FAM169A: variants seen among roughly 807,000 people sequenced by gnomAD.
FAM169A encodes family with sequence similarity 169 member A, also known as soluble lamin-associated protein of 75 kDa.
FAM169A carries 24 observed loss-of-function variants against 75.7 expected under a neutral mutation model. The ratio of observed to expected loss-of-function variants is 0.32; its 90% CI spans 0.23 to 0.45. The LOEUF is 0.45. FAM169A is among the 20% of genes least tolerant of loss of function. The pLI, the probability that FAM169A is intolerant of heterozygous loss-of-function variation, is 1.00. For synonymous variants in FAM169A, 271 were observed against 271.0 expected (o/e 1.00, Z 0.00); for missense variants, 673 against 784.0 (o/e 0.86, Z 1.69).
At chr5:74,830,273 A>C (rs1033089405) in intron 5 of FAM169A, among the ~76,000 whole-genome samples, 3 of 152,218 alleles carry the variant, frequency 2.0e-5, no homozygotes, top group Non-Finnish European at 4.4e-5. Flanking sequence ...AATATAGGAA[A>C]AGAAAGAAGT....
chr5:74,866,832 C>T (rs1228862131), upstream of FAM169A: 20 of 985,408 alleles, frequency 2.0e-5, no homozygotes, highest in Non-Finnish European at 2.4e-5. Context: ...AGAGTGGGCG[C>T]GGCCATCCCG....
At chr5:74,866,415 T>G (rs1361140438), upstream of FAM169A, 6 of 973,386 alleles carry the variant, frequency 6.2e-6, no homozygotes, top group South Asian at 4.8e-5. Flanking sequence ...AGCCTTCGCT[T>G]CCGCTCCGCG....
In FAM169A at chr5:74,785,491, G is replaced by A. The variant is rs140782148; in HGVS notation, c.1261-2357C>T. The stretch of plus-strand genomic sequence containing the variant: ...AAAATACAGTTTCCAGCTAGGCGCC[G>A]TGGTTTATGCCTGTAATCCCAGCAC... On this transcript the variant is annotated intron_variant, in intron 11 of 12. Coordinates refer to ENST00000687041, the MANE Select transcript of FAM169A (RefSeq NM_001376049.1). 1.0e-3 allele frequency among the ~76,000 whole-genome samples: 157 copies of A among 152,240 alleles called. 1 individual carries two copies. Among genetic ancestry groups the A allele is most frequent in the African/African-American group, 3.6e-3 (150 of 41,536 alleles).
At chr5:74,816,610 C>T (rs1269998497) in intron 5 of FAM169A, among the ~76,000 whole-genome samples, 1 of 152,148 alleles carries the variant, frequency 6.6e-6, no homozygotes, top group Non-Finnish European at 1.5e-5. Flanking sequence ...GGGTCTGACT[C>T]ATACAAATGC....
chr5:74,840,250 G>A, intron 2 of FAM169A, 77 bp from the exon 3 acceptor site: 1 of 584,958 alleles, frequency 1.7e-6, no homozygotes, highest in Non-Finnish European at 2.9e-6. Flanking sequence ...TTTTATCAAA[G>A]TAGTAAATAT....
rs1747063912 is a variant in FAM169A at position 74,809,568 on chromosome 5, C to G, written c.670+4272G>C. On this transcript the variant is annotated intron_variant, in intron 6 of 12. Transcript: ENST00000687041. The stretch of plus-strand genomic sequence containing the variant: ...CCGAGATTGTGCCACTGCACTCCAG[C>G]CTGGGTGACAGAGCGAGACTACGTC... Among the ~76,000 whole-genome samples, 4 of 152,268 alleles carry G rather than the reference C, an allele frequency of 2.6e-5. No individual in the cohort carries two copies. The South Asian group carries it at 8.3e-4, about 32-fold the overall frequency.
chr5:74,784,481 G>C (rs1426160076), intron 11 of FAM169A, among the ~76,000 whole-genome samples: 1 of 126,026 alleles, frequency 7.9e-6, no homozygotes, highest in Non-Finnish European at 1.6e-5. Flanking sequence ...CTGCAGTCCA[G>C]CCAAGGGAGA....
Position 74,792,467 on chromosome 5 carries a change from C to T in FAM169A, c.1260+3563G>A, listed in dbSNP as rs571213186. 2.6e-5 allele frequency among the ~76,000 whole-genome samples: 4 copies of T among 152,222 alleles called. No individual in the cohort carries two copies. The East Asian group carries it at 5.8e-4, about 22-fold the overall frequency. On this transcript the variant is annotated intron_variant, in intron 11 of 12. Transcript: ENST00000687041. Reference sequence around the variant, plus strand: ...TTCTCCTGTGCTGGATGCTTCCTGCCCTCAAACATCAGACTCCAGGTTCTT... The same window carrying T: ...TTCTCCTGTGCTGGATGCTTCCTGCTCTCAAACATCAGACTCCAGGTTCTT...
chr5:74,831,272 CTT>C (rs552924871), intron 5 of FAM169A, among the ~76,000 whole-genome samples: 1 of 152,154 alleles, frequency 6.6e-6, no homozygotes, highest in Admixed American at 6.5e-5. Context: ...CCCAAAATCT[CTT>C]TGATACTAAT....
rs1745369160 is a variant in FAM169A at position 74,780,681 on chromosome 5, C to T, written c.*779G>A. 1 of 152,176 alleles carries T rather than the reference C, an allele frequency of 6.6e-6. No homozygotes were observed. The highest frequency in any genetic ancestry group is 2.1e-4 in the South Asian group (1 of 4,834). The allele number at this position is 152,176 out of a possible 1,614,324, so 9.4% of individuals were successfully genotyped here. On this transcript the variant is annotated 3_prime_UTR_variant, in exon 13 of 13. Transcript: ENST00000687041. ...TGATTAAAGGTGAAAGTCTAAACTTCTAGGCGTCTGCACATATGCAGACAA... is the reference window on the plus strand; with the variant it reads ...TGATTAAAGGTGAAAGTCTAAACTTTTAGGCGTCTGCACATATGCAGACAA...
chr5:74,857,093 A>G (rs1466681302), intron 1 of FAM169A, among the ~76,000 whole-genome samples: 6 of 133,744 alleles, frequency 4.5e-5, no homozygotes, highest in Non-Finnish European at 9.3e-5. Flanking sequence ...TGGGCCACAG[A>G]GTGAGACTCC....
intron 5 of FAM169A, among the ~76,000 whole-genome samples, chr5:74,818,274 C>G (rs1747571660): frequency 3.3e-5 from 5 of 151,968 alleles, no homozygotes; most frequent in Admixed American, 3.3e-4. Flanking sequence ...GGTCTTGTAT[C>G]TAACACATAT....
In FAM169A at chr5:74,840,742, T is replaced by C. The variant is rs541859867; in HGVS notation, c.133-569A>G. On this transcript the variant is annotated intron_variant, in intron 2 of 12. Coordinates refer to ENST00000687041, the MANE Select transcript of FAM169A (RefSeq NM_001376049.1). ...TACTCGGGAGGCTAAGGCAGGAGAA[T>C]GGCGTGAACCCAGGAGGCAGAGGTT... 4.0e-5 allele frequency among the ~76,000 whole-genome samples: 6 copies of C among 150,838 alleles called. No homozygotes were observed. The East Asian group carries it at 1.2e-3, about 29-fold the overall frequency.
intron 6 of FAM169A, 60 bp from the exon 7 acceptor site, chr5:74,805,344 G>A: frequency 1.3e-6 from 2 of 1,548,762 alleles, no homozygotes; most frequent in South Asian, 1.2e-5. Flanking sequence ...TGAAAAACAG[G>A]AGTTGAAAAG....
At chr5:74,822,185 G>A (rs765264126) in intron 5 of FAM169A, among the ~76,000 whole-genome samples, 4 of 152,194 alleles carry the variant, frequency 2.6e-5, no homozygotes, top group Admixed American at 1.3e-4. Flanking sequence ...GTCCACCAGG[G>A]CCACCAAGTT....
chr5:74,807,706 A>G (rs975922582), intron 6 of FAM169A, among the ~76,000 whole-genome samples: 19 of 152,254 alleles, frequency 1.2e-4, no homozygotes, highest in African/African-American at 3.9e-4. Flanking sequence ...ACTGTGTAGT[A>G]TTTAAAACAA....
intron 1 of FAM169A, among the ~76,000 whole-genome samples, chr5:74,849,801 A>C (rs1027288392): frequency 3.7e-4 from 57 of 152,112 alleles, no homozygotes; most frequent in African/African-American, 1.4e-3. Flanking sequence ...CTAACCACTC[A>C]TCTTTTTCTA....
Position 74,781,395 on chromosome 5 carries a change from A to G in FAM169A, c.*65T>C, listed in dbSNP as rs1032887544. 133 of 1,477,446 alleles carry G rather than the reference A, an allele frequency of 9.0e-5. No individual in the cohort carries two copies. Among genetic ancestry groups the G allele is most frequent in the Non-Finnish European group, 8.5e-5 (92 of 1,085,716 alleles). The allele number at this position is 1,477,446 out of a possible 1,614,324, so 91.5% of individuals were successfully genotyped here. On this transcript the variant is annotated 3_prime_UTR_variant, in exon 13 of 13. Transcript: ENST00000687041. ...CTGTGCCCCATGCTGTTTATTAATT[A>G]CCATATTTTAAAAACAACAACTATG...
intron 2 of FAM169A, 32 bp from the exon 3 acceptor site, chr5:74,840,205 C>T (rs748097448): frequency 1.5e-5 from 15 of 1,018,418 alleles, no homozygotes; most frequent in South Asian, 1.5e-4. Context: ...GATTAGTGAA[C>T]AGTCTGTTAA....
Sources: allele counts gnomAD v4.1 joint callset (sites outside exome capture counted in the v4.1 genomes callset), GRCh38; gene constraint gnomAD v4.1.1; transcripts MANE v1.5; gene names NCBI Gene and HGNC (gene_info 2026-07-23, HGNC 2026-07-21).